Variants in DISP1 observed in about 807,000 individuals in gnomAD.
DISP1 encodes the protein protein dispatched homolog 1.
A neutral mutation model predicts 37.3 loss-of-function variants in DISP1; 30 were observed. That is an observed-to-expected ratio of 0.80 (90% confidence interval 0.60 to 1.09). The LOEUF (loss-of-function observed/expected upper bound fraction) is 1.09, where lower values mean the gene tolerates loss of function less well. Among genes scored for constraint, DISP1 ranks in the 50% least tolerant of loss-of-function variants. The probability of loss-of-function intolerance (pLI) is 0.00; values close to 1 mark genes in which losing one functional copy is unlikely to be tolerated. For synonymous variants in DISP1, 634 were observed against 690.2 expected, an observed-to-expected ratio of 0.92 and a Z score of 1.28; for missense variants, 1,598 against 1,879.5, an observed-to-expected ratio of 0.85 and a Z score of 2.77.
chr1:222,880,930 G>A (rs1670236674), intron 1 of DISP1, among the ~76,000 whole-genome samples: 1 of 151,908 alleles, frequency 6.6e-6, no homozygotes, highest in African/African-American at 2.4e-5. Flanking sequence ...GTGTGGTGGT[G>A]TGCACCTCTG....
intron 2 of DISP1, 26 bp from the exon 3 acceptor site, chr1:222,942,781 G>T: frequency 6.2e-7 from 1 of 1,613,794 alleles, no homozygotes; most frequent in South Asian, 1.1e-5. Flanking sequence ...ACTGTAACTG[G>T]GCGATTTTAT....
intron 1 of DISP1, among the ~76,000 whole-genome samples, chr1:222,908,578 T>A (rs1372051396): frequency 1.3e-5 from 2 of 152,100 alleles, no homozygotes; most frequent in African/African-American, 2.4e-5. Context: ...GTATTTTTAG[T>A]AGAGATGGGA....
intron 4 of DISP1, among the ~76,000 whole-genome samples, chr1:222,990,048 C>T (rs369558473): frequency 6.6e-5 from 10 of 152,036 alleles, no homozygotes; most frequent in South Asian, 6.2e-4. Flanking sequence ...GTGATCCACC[C>T]GCCTCAGCCT....
chr1:222,838,959 C>CGTGATAGGT (rs2125284926), intron 1 of DISP1, among the ~76,000 whole-genome samples: 1 of 152,174 alleles, frequency 6.6e-6, no homozygotes, highest in African/African-American at 2.4e-5. Context: ...TTGTGATAGG[C>CGTGATAGGT]GCATTCCTTG....
intron 1 of DISP1, among the ~76,000 whole-genome samples, chr1:222,880,100 G>A (rs1480156437): frequency 5.3e-5 from 8 of 152,070 alleles, no homozygotes; most frequent in South Asian, 2.1e-4. Context: ...ATGTTTAATC[G>A]TAGGGGGAAT....
chr1:222,970,749 G>A (rs1036300689), intron 3 of DISP1, among the ~76,000 whole-genome samples: 15 of 152,048 alleles, frequency 9.9e-5, no homozygotes, highest in African/African-American at 3.6e-4. Flanking sequence ...TCTCATTGCC[G>A]TCTTTTAAAA....
intron 1 of DISP1, among the ~76,000 whole-genome samples, chr1:222,910,217 A>G (rs1672133595): frequency 1.3e-5 from 2 of 152,026 alleles, no homozygotes; most frequent in South Asian, 4.1e-4. Flanking sequence ...TACAGAAAAT[A>G]GCAGATATGG....
chr1:222,985,332 A>T (rs975875896), intron 4 of DISP1, among the ~76,000 whole-genome samples: 2 of 152,188 alleles, frequency 1.3e-5, no homozygotes, highest in African/African-American at 4.8e-5. Context: ...AATTCACAAA[A>T]CATTTCATCT....
chr1:222,929,373 A>G (rs1268593692), intron 2 of DISP1, among the ~76,000 whole-genome samples: 1 of 152,182 alleles, frequency 6.6e-6, no homozygotes, highest in East Asian at 1.9e-4. Context: ...TAAAATATAC[A>G]TTAAAAAATT....
intron 1 of DISP1, chr1:222,836,802 T>G: frequency 7.1e-6 from 2 of 281,204 alleles, no homozygotes; most frequent in East Asian, 5.9e-5. Context: ...TTTAGCATGA[T>G]TTAGTGTGGA....
At chr1:222,963,577 A>C (rs1333799749) in intron 3 of DISP1, among the ~76,000 whole-genome samples, 1 of 152,208 alleles carries the variant, frequency 6.6e-6, no homozygotes, top group Non-Finnish European at 1.5e-5. Context: ...ATGGAATACT[A>C]TGCAGCCATT....
In DISP1 at chr1:222,901,102, G is replaced by A. The variant is rs144738846; in HGVS notation, c.-158-27328G>A. 1.3e-4 allele frequency among the ~76,000 whole-genome samples: 20 copies of A among 152,220 alleles called. No individual in the cohort carries two copies. In the East Asian group the frequency reaches 3.1e-3, roughly 23 times the overall value. The stretch of plus-strand genomic sequence containing the variant: ...GATTATCTCTAGAAACGGTGGGATT[G>A]CAGAAAACTAAGCTACGAACAGATG... On this transcript the variant is annotated intron_variant, in intron 1 of 8. Transcript: ENST00000675850.
intron 1 of DISP1, among the ~76,000 whole-genome samples, chr1:222,875,160 A>G (rs1669887799): frequency 2.0e-5 from 3 of 152,054 alleles, no homozygotes; most frequent in Admixed American, 2.0e-4. Flanking sequence ...CCTTAAATTC[A>G]TGATGTGCCT....
chr1:222,885,532 A>T (rs997500986), intron 1 of DISP1, among the ~76,000 whole-genome samples: 6 of 149,796 alleles, frequency 4.0e-5, no homozygotes, highest in Admixed American at 6.7e-5. Flanking sequence ...GCAGTGGTGC[A>T]ATCACAGCTG....
chr1:222,951,726 G>T (rs1050187570), intron 3 of DISP1, among the ~76,000 whole-genome samples: 18 of 152,172 alleles, frequency 1.2e-4, no homozygotes, highest in African/African-American at 4.3e-4. Flanking sequence ...GTAAGTGTTA[G>T]GTGCTGGAGA....
Position 222,994,983 on chromosome 1 carries a change from G to T in DISP1, c.987+1G>T. ...AATGTGCAATGTAGATAATTCCAGG[G>T]TATGTAAGATAAAAACTAAAATCTC... is the stretch of plus-strand genomic sequence containing the variant. On this transcript the variant is annotated splice_donor_variant, in intron 8 of 8. Coordinates refer to ENST00000675850, the MANE Select transcript of DISP1 (RefSeq NM_001377229.1). LOFTEE classifies it high-confidence loss of function. 6.2e-7 allele frequency: 1 copy of T among 1,607,878 alleles called. No individual in the cohort carries two copies. Among genetic ancestry groups the T allele is most frequent in the Non-Finnish European group, 8.5e-7 (1 of 1,174,960 alleles).
intron 3 of DISP1, among the ~76,000 whole-genome samples, chr1:222,978,505 A>G (rs147315047): frequency 0.035 from 5,306 of 152,194 alleles, 320 homozygotes; most frequent in African/African-American, 0.12. Context: ...CTTTTGCTGT[A>G]CAGAAGCTCT....
chr1:222,957,732 G>A (rs73130611), intron 3 of DISP1, among the ~76,000 whole-genome samples: 2,448 of 152,232 alleles, frequency 0.016, 78 homozygotes, highest in African/African-American at 0.055. Context: ...AAGAGAAAAT[G>A]ACGCCTCAAG....
chr1:222,915,965 A>G (rs918526812), intron 1 of DISP1, among the ~76,000 whole-genome samples: 1 of 152,146 alleles, frequency 6.6e-6, no homozygotes, highest in African/African-American at 2.4e-5. Flanking sequence ...CTGAACCAAT[A>G]CTTATAACCT....
Sources: gnomAD v4.1 joint callset for allele counts (sites outside exome capture counted in the v4.1 genomes callset) on GRCh38, gnomAD v4.1.1 for gene constraint, MANE v1.5 for transcripts, NCBI Gene and HGNC (gene_info 2026-07-23, HGNC 2026-07-21) for gene names.